Variants in MEI4 observed in about 807,000 individuals in gnomAD.
MEI4 encodes meiotic double-stranded break formation protein 4, also known as meiosis-specific protein MEI4.
Under a neutral mutation model 31.4 loss-of-function variants are expected in MEI4, and 27 were observed. The observed-to-expected ratio is 0.86, with a 90% confidence interval of 0.63 to 1.19. The LOEUF (loss-of-function observed/expected upper bound fraction) is 1.19, where lower values mean the gene tolerates loss of function less well. MEI4 is among the 50% of genes most tolerant of loss of function. MEI4 has a pLI of 0.00. For missense variants in MEI4, 329 were observed against 398.9 expected (o/e 0.82, Z 1.49); for synonymous variants, 122 against 145.4 (o/e 0.84, Z 1.16).
chr6:77,876,717 G>A (rs1479536265), intron 4 of MEI4, among the ~76,000 whole-genome samples: 2 of 151,976 alleles, frequency 1.3e-5, no homozygotes, highest in Non-Finnish European at 2.9e-5. Context: ...CTTATATAAT[G>A]TCTAATAACA....
rs55947073 is a variant in MEI4 at position 77,883,745 on chromosome 6, A to ATAT, written c.901-39344_901-39343insTAT. 6.1e-3 allele frequency among the ~76,000 whole-genome samples: 499 copies of ATAT among 82,308 alleles called. 16 individuals are homozygous for ATAT. The highest frequency in any genetic ancestry group is 0.016 in the Middle Eastern group (3 of 182). 54.0% of individuals were successfully genotyped at this position (82,308 alleles called of 152,430 possible). ...ATATATATATATATATATATATATA[A>ATAT]CTTTGTCTTTGTCTATTCATTTATT... On this transcript the variant is annotated intron_variant, in intron 4 of 4. Transcript: ENST00000684080.
chr6:77,684,885 C>T (rs1205282279), intron 1 of MEI4, among the ~76,000 whole-genome samples: 1 of 152,124 alleles, frequency 6.6e-6, no homozygotes, highest in African/African-American at 2.4e-5. Context: ...GATTGCTGCA[C>T]ATATGGTAGC....
intron 4 of MEI4, among the ~76,000 whole-genome samples, chr6:77,884,758 C>T (rs1771580471): frequency 6.6e-6 from 1 of 152,114 alleles, no homozygotes; most frequent in African/African-American, 2.4e-5. Flanking sequence ...TTACTATAGC[C>T]ATGTAGTATA....
chr6:77,872,254 G>C (rs1771213094), intron 4 of MEI4, among the ~76,000 whole-genome samples: 1 of 152,060 alleles, frequency 6.6e-6, no homozygotes, highest in South Asian at 2.1e-4. Flanking sequence ...GTTACTGCTG[G>C]TCTTTTCTCA....
intron 3 of MEI4, among the ~76,000 whole-genome samples, chr6:77,821,450 G>T (rs551677081): frequency 4.6e-5 from 7 of 152,166 alleles, no homozygotes; most frequent in Admixed American, 1.3e-4. Context: ...TTTCCTTGTG[G>T]CAGACCCAAT....
At chr6:77,900,411 A>G (rs1766164032) in intron 4 of MEI4, among the ~76,000 whole-genome samples, 2 of 152,016 alleles carry the variant, frequency 1.3e-5, no homozygotes, top group Admixed American at 1.3e-4. Context: ...AAAACAATGA[A>G]TGTGTATTGA....
chr6:77,742,573 C>T (rs552044494), intron 2 of MEI4, among the ~76,000 whole-genome samples: 5 of 152,212 alleles, frequency 3.3e-5, no homozygotes, highest in South Asian at 4.2e-4. Context: ...TTGTAGGTTG[C>T]CTATTCACTC....
intron 2 of MEI4, among the ~76,000 whole-genome samples, chr6:77,742,855 C>G (rs1352379818): frequency 6.6e-6 from 1 of 152,026 alleles, no homozygotes; most frequent in East Asian, 1.9e-4. Context: ...CCAGTTTTCC[C>G]AGCACCATTT....
chr6:77,744,152 C>T (rs1427921401), intron 2 of MEI4, among the ~76,000 whole-genome samples: 1 of 152,198 alleles, frequency 6.6e-6, no homozygotes, highest in Non-Finnish European at 1.5e-5. Context: ...AAGAAGGCTT[C>T]AGACGATCAA....
At chr6:77,813,502 C>T (rs544416543) in intron 3 of MEI4, among the ~76,000 whole-genome samples, 1 of 146,214 alleles carries the variant, frequency 6.8e-6, no homozygotes, top group East Asian at 2.0e-4. Context: ...TCAGGACATT[C>T]TTTTTTTTTT....
At chr6:77,823,463 T>G (rs1416203702) in intron 3 of MEI4, among the ~76,000 whole-genome samples, 4 of 152,214 alleles carry the variant, frequency 2.6e-5, no homozygotes, top group Non-Finnish European at 5.9e-5. Flanking sequence ...GTCATTTCTC[T>G]GGATATTTCA....
intron 3 of MEI4, among the ~76,000 whole-genome samples, chr6:77,800,301 G>T (rs566921295): frequency 1.3e-5 from 2 of 152,142 alleles, no homozygotes; most frequent in Non-Finnish European, 2.9e-5. Flanking sequence ...CTGTTTGTCT[G>T]TTCTTGGTGT....
intron 3 of MEI4, among the ~76,000 whole-genome samples, chr6:77,776,081 A>G (rs1768431764): frequency 6.7e-6 from 1 of 150,058 alleles, no homozygotes; most frequent in African/African-American, 2.4e-5. Context: ...GATTCTGGCT[A>G]TTAGTCCTTT....
chr6:77,697,129 T>A (rs929678395), intron 2 of MEI4, among the ~76,000 whole-genome samples: 10 of 152,212 alleles, frequency 6.6e-5, no homozygotes, highest in Non-Finnish European at 1.2e-4. Context: ...TTATCATTTT[T>A]TATTGTGTCT....
chr6:77,797,592 G>A (rs1052966474), intron 3 of MEI4, among the ~76,000 whole-genome samples: 4 of 152,000 alleles, frequency 2.6e-5, no homozygotes, highest in Admixed American at 1.3e-4. Flanking sequence ...GAGATCCCCC[G>A]GCAAACCACT....
intron 2 of MEI4, among the ~76,000 whole-genome samples, chr6:77,694,724 C>T (rs186348592): frequency 2.6e-5 from 4 of 151,948 alleles, no homozygotes; most frequent in Non-Finnish European, 5.9e-5. Flanking sequence ...AATAAACATA[C>T]GTGTGCATGT....
intron 3 of MEI4, among the ~76,000 whole-genome samples, chr6:77,767,376 AAATAAATAAATG>A (rs1487257960): frequency 6.6e-6 from 1 of 151,522 alleles, no homozygotes; most frequent in Non-Finnish European, 1.5e-5. Context: ...CTCCCTCAAT[AAATAAATAAATG>A]AATAAATAAA....
chr6:77,755,955 C>G (rs777403566), intron 2 of MEI4, among the ~76,000 whole-genome samples: 1 of 151,858 alleles, frequency 6.6e-6, no homozygotes, highest in Non-Finnish European at 1.5e-5. Flanking sequence ...AAGGCAGAAA[C>G]TTTATTTGAC....
chr6:77,919,413 AAATGAAGCCAGAAAT>A (rs1480709806), intron 4 of MEI4, among the ~76,000 whole-genome samples: 102 of 152,228 alleles, frequency 6.7e-4, no homozygotes, highest in African/African-American at 1.7e-3. Flanking sequence ...ATACATAACG[AAATGAAGCCAGAAAT>A]AAAGATGTTC....
Sources: allele counts gnomAD v4.1 joint callset (sites outside exome capture counted in the v4.1 genomes callset), GRCh38; gene constraint gnomAD v4.1.1; transcripts MANE v1.5; gene names NCBI Gene and HGNC (gene_info 2026-07-23, HGNC 2026-07-21).